The following COL18A1 variants were observed in gnomAD, a reference collection of about 807,000 sequenced individuals.
COL18A1 encodes collagen alpha-1(XVIII) chain.
A neutral mutation model predicts 168.0 loss-of-function variants in COL18A1; 133 were observed. That is an observed-to-expected ratio of 0.79 (90% CI 0.69 to 0.91). The LOEUF is 0.91. COL18A1 is among the 40% of genes least tolerant of loss of function. COL18A1 has a pLI of 0.00. For synonymous variants in COL18A1, 949 were observed against 809.0 expected, an observed-to-expected ratio of 1.17 and a Z score of -2.94; for missense variants, 2,126 against 1,925.4, an observed-to-expected ratio of 1.10 and a Z score of -1.95.
In COL18A1 at chr21:45,504,032, T is replaced by C; in HGVS notation, c.2705T>C (p.Leu902Pro). 1 of 1,612,252 alleles carries C rather than the reference T, an allele frequency of 6.2e-7. No individual in the cohort carries two copies. The highest frequency in any genetic ancestry group is 8.5e-7 in the Non-Finnish European group (1 of 1,179,952). ...GCAGGGCAGTTTCCGTTTGACTTTC[T>C]TCAGTTGGAGGCTGAAATGAAGGTG... Reference protein sequence around the residue: ...GPPGQFPFDFLQLEAEMKGEK... With the variant: ...GPPGQFPFDFPQLEAEMKGEK... The change falls in exon 33 of 42, where the codon CTT becomes CCT. Residue 902 changes from leucine to proline, a missense_variant. By Grantham distance (98) the Leu-to-Pro change is moderately conservative. Coordinates refer to ENST00000651438, the MANE Select transcript of COL18A1 (RefSeq NM_001379500.1).
intron 2 of COL18A1, among the ~76,000 whole-genome samples, chr21:45,461,927 C>G (rs1012197763): frequency 2.0e-5 from 3 of 152,214 alleles, no homozygotes; most frequent in Non-Finnish European, 4.4e-5. Flanking sequence ...GCTGGACTCC[C>G]TGGACCATTT....
intron 2 of COL18A1, among the ~76,000 whole-genome samples, chr21:45,430,140 TCGCCCTCG>T (rs1188944920): frequency 5.2e-4 from 78 of 149,844 alleles, no homozygotes; most frequent in African/African-American, 1.6e-3. Context: ...TAGCGCCCTC[TCGCCCTCG>T]CCTGCATGTG....
chr21:45,416,857 C>G (rs943187683), intron 2 of COL18A1, among the ~76,000 whole-genome samples: 1 of 152,118 alleles, frequency 6.6e-6, no homozygotes, highest in Non-Finnish European at 1.5e-5. Flanking sequence ...TGCATATGCT[C>G]GTTCTGCATA....
intron 41 of COL18A1, among the ~76,000 whole-genome samples, 164 bp from the exon 42 acceptor site, chr21:45,512,024 C>G (rs1485443827): frequency 6.6e-6 from 1 of 152,192 alleles, no homozygotes; most frequent in African/African-American, 2.4e-5. Context: ...CCTCCACAGG[C>G]AGCCAGCAGG....
At chr21:45,407,076 C>T (rs2033137382) in intron 2 of COL18A1, among the ~76,000 whole-genome samples, 1 of 152,194 alleles carries the variant, frequency 6.6e-6, no homozygotes, top group South Asian at 2.1e-4. Context: ...CTGCATGCTG[C>T]CCACACACCC....
chr21:45,433,064 C>G (rs8129539), intron 2 of COL18A1, among the ~76,000 whole-genome samples: 26,995 of 152,160 alleles, frequency 0.18, 3,271 homozygotes, highest in African/African-American at 0.34. Flanking sequence ...TAATCCTCTT[C>G]GAAACTTGAC....
chr21:45,416,812 C>T (rs554926862), intron 2 of COL18A1, among the ~76,000 whole-genome samples: 227 of 152,196 alleles, frequency 1.5e-3, no homozygotes, highest in African/African-American at 5.2e-3. Flanking sequence ...CCAGCCCCAG[C>T]GCCTGCCCCT....
In COL18A1 at chr21:45,512,192, C is replaced by CA; in HGVS notation, c.3815dup (p.Lys1273GlufsTer20). On this transcript the variant is annotated frameshift_variant, in exon 42 of 42. Transcript: ENST00000651438. LOFTEE classifies it low-confidence loss of function (END_TRUNC). Reference sequence around the variant, plus strand: ...ACGGCCCGGCGCGTCTTACAGGCCCCAGAAGAGCGTGTGGCATGGCTCGGA... The same window carrying CA: ...ACGGCCCGGCGCGTCTTACAGGCCCCAAGAAGAGCGTGTGGCATGGCTCGGA... 6.2e-7 allele frequency: 1 copy of CA among 1,612,100 alleles called. No homozygotes were observed. The highest frequency in any genetic ancestry group is 8.5e-7 in the Non-Finnish European group (1 of 1,179,566).
At chr21:45,451,806 G>T (rs1257038574) in intron 2 of COL18A1, among the ~76,000 whole-genome samples, 1 of 152,156 alleles carries the variant, frequency 6.6e-6, no homozygotes, top group Non-Finnish European at 1.5e-5. Context: ...CCAGGGAGGG[G>T]TCTCACCTGT....
rs780665070 is a variant in COL18A1 at position 45,496,554 on chromosome 21, G to C, written c.2563G>C (p.Val855Leu). Residue 855 changes from valine to leucine, a missense_variant, in exon 30 of 42, where the codon GTT becomes CTT. By Grantham distance (32) the Val-to-Leu change is conservative (BLOSUM62 1). Coordinates refer to ENST00000651438, the MANE Select transcript of COL18A1 (RefSeq NM_001379500.1). Reference protein sequence around the residue: ...PGPPGPPGTPVYDSNVFAESS... With the variant: ...PGPPGPPGTPLYDSNVFAESS... ...GCCCCCAGGCCCTCCAGGGACTCCT[G>C]TTTACGACAGCAATGTAAGTCCCCA... 2.7e-6 allele frequency: 4 copies of C among 1,501,366 alleles called. No homozygotes were observed. Among genetic ancestry groups the C allele is most frequent in the African/African-American group, 2.7e-5 (2 of 72,808 alleles). The allele number at this position is 1,501,366 out of a possible 1,614,324, so 93.0% of individuals were successfully genotyped here.
In COL18A1 at chr21:45,468,525, C is replaced by T. The variant is rs576145509; in HGVS notation, c.390C>T (p.Asp130=). The T allele has an allele frequency of 3.2e-5, 52 of 1,613,440 alleles. No individual in the cohort carries two copies. The South Asian group carries it at 3.8e-4, about 12-fold the overall frequency. ...LLGVKLSGVQ[D]GHQDISLLYT... The stretch of plus-strand genomic sequence containing the variant: ...GCGTGAAGCTCTCTGGGGTGCAGGA[C>T]GGGCACCAGGACATCTCCCTGCTCT... The change falls in exon 3 of 42, where the codon GAC becomes GAT. Residue 130 remains aspartate, a synonymous_variant. Coordinates refer to ENST00000651438, the MANE Select transcript of COL18A1 (RefSeq NM_001379500.1).
Position 45,473,756 on chromosome 21 carries a change from G to T in COL18A1, c.652-139G>T. On this transcript the variant is annotated intron_variant, in intron 3 of 41. Coordinates refer to ENST00000651438, the MANE Select transcript of COL18A1 (RefSeq NM_001379500.1). This position sits in a 1 kb window ranked among gnomAD's most constrained non-coding sequence, Gnocchi z 4.0. ...ACCATGAGGCATACCGCACCCCCAG[G>T]GAGGCTGCCCGAGACCCCTTCCCTC... is the stretch of plus-strand genomic sequence containing the variant. The T allele has an allele frequency of 1.3e-6, 1 of 741,784 alleles. No homozygotes were observed. The highest frequency in any genetic ancestry group is 2.4e-6 in the Non-Finnish European group (1 of 424,384). 46.0% of individuals were successfully genotyped at this position (741,784 alleles called of 1,614,324 possible).
chr21:45,450,498 C>A (rs985496298), intron 2 of COL18A1, among the ~76,000 whole-genome samples: 2 of 152,218 alleles, frequency 1.3e-5, no homozygotes, highest in Non-Finnish European at 2.9e-5. Context: ...ATGAGCCCCC[C>A]TCTTTGCCCC....
At chr21:45,464,730 C>G (rs78887999) in intron 2 of COL18A1, among the ~76,000 whole-genome samples, 2 of 152,178 alleles carry the variant, frequency 1.3e-5, no homozygotes, top group Admixed American at 1.3e-4. Context: ...CCTTCTTCCC[C>G]CTTCAAAGCC....
chr21:45,418,903 G>A (rs149780131), intron 2 of COL18A1, among the ~76,000 whole-genome samples: 3 of 152,336 alleles, frequency 2.0e-5, no homozygotes, highest in Non-Finnish European at 2.9e-5. Context: ...CAGACCCCCC[G>A]GACGGCTTGC....
chr21:45,467,601 C>G (rs998464304), intron 2 of COL18A1, among the ~76,000 whole-genome samples: 28 of 152,224 alleles, frequency 1.8e-4, no homozygotes, highest in Non-Finnish European at 1.8e-4. Context: ...ACGTGGAACC[C>G]CAGCTGAGGC....
chr21:45,482,093 TG>T, intron 14 of COL18A1, 68 bp downstream of exon 14: 1 of 1,306,278 alleles, frequency 7.7e-7, no homozygotes, highest in South Asian at 1.2e-5. Context: ...GGTCCGGGGG[TG>T]CCTGGTGACG....
intron 2 of COL18A1, among the ~76,000 whole-genome samples, chr21:45,417,987 G>T (rs2123528325): frequency 6.6e-6 from 1 of 152,388 alleles, no homozygotes; most frequent in Middle Eastern, 3.4e-3. Flanking sequence ...AGGTGGCCTT[G>T]GCATGGCCAG....
In COL18A1 at chr21:45,438,169, TACAC is replaced by T. The variant is rs751013760; in HGVS notation, c.107-30068_107-30065del. 5.7e-4 allele frequency among the ~76,000 whole-genome samples: 28 copies of T among 49,262 alleles called. 1 individual carries two copies. Among genetic ancestry groups the T allele is most frequent in the Non-Finnish European group, 9.0e-4 (26 of 28,974 alleles). 32.3% of individuals were successfully genotyped at this position (49,262 alleles called of 152,430 possible). On this transcript the variant is annotated intron_variant, in intron 2 of 41. Coordinates refer to ENST00000651438, the MANE Select transcript of COL18A1 (RefSeq NM_001379500.1). ...ACTCAGACACAGGCACTCTCCTGCA[TACAC>T]ACACTCACACTCAGACACACAGGCA...
Sources: gnomAD v4.1 joint callset for allele counts (sites outside exome capture counted in the v4.1 genomes callset) on GRCh38, gnomAD v4.1.1 for gene constraint, Gnocchi (gnomAD v3.1) non-coding constraint, MANE v1.5 for transcripts, NCBI Gene and HGNC (gene_info 2026-07-23, HGNC 2026-07-21) for gene names.